The following CD2AP variants were observed in gnomAD, a reference collection of about 807,000 sequenced individuals.
CD2AP encodes CD2 associated protein.
Under a neutral mutation model 85.1 loss-of-function variants are expected in CD2AP, and 46 were observed. The observed-to-expected ratio is 0.54, with a 90% CI of 0.43 to 0.69. The LOEUF (loss-of-function observed/expected upper bound fraction) is 0.69. Ranked by LOEUF, CD2AP falls within the 30% of genes least tolerant of loss-of-function variation. The probability of loss-of-function intolerance (pLI) is 0.00; values close to 1 mark genes in which losing one functional copy is unlikely to be tolerated. For synonymous variants in CD2AP, 255 were observed against 252.9 expected, an observed-to-expected ratio of 1.01 and a Z score of -0.08; for missense variants, 769 against 729.5, an observed-to-expected ratio of 1.05 and a Z score of -0.62.
At position 47,606,213 on chromosome 6, in the gene CD2AP, T is replaced by C; in HGVS notation, c.1466T>C (p.Leu489Pro). The C allele has an allele frequency of 6.2e-7, 1 of 1,612,020 alleles. No homozygotes were observed. ...GCTTCCTCAGAAAACTTGCTTCATCTCACTGCAAATAGACCAAAGATGCCT... is the reference window on the plus strand; with the variant it reads ...GCTTCCTCAGAAAACTTGCTTCATCCCACTGCAAATAGACCAAAGATGCCT... ...DIASSENLLH[L>P]TANRPKMPGR... Residue 489 changes from leucine to proline, a missense_variant, in exon 14 of 18, where the codon CTC becomes CCC. Leu to Pro is a moderately conservative substitution (Grantham distance 98, BLOSUM62 -3). Transcript: ENST00000359314.
At chr6:47,512,724 G>C (rs971753633) in intron 2 of CD2AP, among the ~76,000 whole-genome samples, 2 of 152,188 alleles carry the variant, frequency 1.3e-5, no homozygotes, top group South Asian at 4.1e-4. Context: ...TTAATAAAGA[G>C]AACATTACAG....
At chr6:47,619,271 T>C (rs975112475) in intron 17 of CD2AP, among the ~76,000 whole-genome samples, 1 of 152,124 alleles carries the variant, frequency 6.6e-6, no homozygotes, top group Non-Finnish European at 1.5e-5. Flanking sequence ...ATCATTCTTA[T>C]GCCTTTGCTT....
At chr6:47,563,040 C>G (rs2074472793) in intron 5 of CD2AP, 2 of 309,694 alleles carry the variant, frequency 6.5e-6, no homozygotes, top group Non-Finnish European at 1.2e-5. Flanking sequence ...AACTTTGTAT[C>G]ACATTTAAAA....
intron 12 of CD2AP, among the ~76,000 whole-genome samples, chr6:47,598,925 A>T (rs556611816): frequency 3.3e-5 from 5 of 150,570 alleles, no homozygotes; most frequent in South Asian, 2.1e-4. Context: ...CTAAAATAAT[A>T]AAAAAAATTT....
At chr6:47,548,033 G>A (rs1767412165) in intron 4 of CD2AP, among the ~76,000 whole-genome samples, 1 of 152,088 alleles carries the variant, frequency 6.6e-6, no homozygotes, top group Middle Eastern at 3.2e-3. Context: ...AGTGCTAAGA[G>A]GAAAGTTAAT....
chr6:47,587,277 T>C (rs544341567), intron 11 of CD2AP, among the ~76,000 whole-genome samples: 1 of 152,276 alleles, frequency 6.6e-6, no homozygotes, highest in South Asian at 2.1e-4. Context: ...ATGGAAGGTA[T>C]CCTTCGAAAA....
intron 1 of CD2AP, among the ~76,000 whole-genome samples, chr6:47,480,963 A>G (rs985251242): frequency 1.3e-5 from 2 of 152,234 alleles, no homozygotes; most frequent in African/African-American, 4.8e-5. Flanking sequence ...GATGACTACT[A>G]GTAGACTTAT....
rs530990930 is a variant in CD2AP at position 47,609,102 on chromosome 6, A to T, written c.1633-21A>T. ...AATATAATATTAAATAAAATCAGAA[A>T]TTTTTTTTTTACGTTTTCAGCCATC... is the stretch of plus-strand genomic sequence containing the variant. On this transcript the variant is annotated intron_variant, in intron 15 of 17. Transcript: ENST00000359314. 93 of 1,467,848 alleles carry T rather than the reference A, an allele frequency of 6.3e-5. 1 individual carries two copies. The East Asian group carries it at 1.1e-3, about 18-fold the overall frequency. 90.9% of individuals were successfully genotyped at this position (1,467,848 alleles called of 1,614,324 possible).
At chr6:47,583,964 T>C (rs887763341) in intron 11 of CD2AP, among the ~76,000 whole-genome samples, 2 of 152,212 alleles carry the variant, frequency 1.3e-5, no homozygotes, top group Non-Finnish European at 2.9e-5. Flanking sequence ...CTAATAGGTG[T>C]GTAGTGGTAT....
chr6:47,512,904 C>T (rs1274136649), intron 2 of CD2AP, among the ~76,000 whole-genome samples: 9 of 152,174 alleles, frequency 5.9e-5, no homozygotes, highest in African/African-American at 2.2e-4. Context: ...TCACATTGCA[C>T]CTTTTCTTTA....
chr6:47,495,088 G>T (rs998393756), intron 1 of CD2AP, among the ~76,000 whole-genome samples: 1 of 152,118 alleles, frequency 6.6e-6, no homozygotes, highest in Non-Finnish European at 1.5e-5. Flanking sequence ...ACTTGAACCT[G>T]GGAGGTGGAG....
chr6:47,558,412 G>A (rs1371011753), intron 5 of CD2AP, among the ~76,000 whole-genome samples: 1 of 152,094 alleles, frequency 6.6e-6, no homozygotes, highest in Non-Finnish European at 1.5e-5. Context: ...GTTTTCACAG[G>A]GAATGCTTCC....
At chr6:47,576,925 A>C (rs1187337254) in intron 7 of CD2AP, 84 bp from the exon 8 acceptor site, 4 of 818,782 alleles carry the variant, frequency 4.9e-6, no homozygotes, top group Non-Finnish European at 6.5e-6. Flanking sequence ...CTTTTAGTAT[A>C]CTTTACACAA....
At chr6:47,544,856 G>C in intron 4 of CD2AP, 150 bp downstream of exon 4, 1 of 601,262 alleles carries the variant, frequency 1.7e-6, no homozygotes, top group Admixed American at 2.9e-5. Context: ...CATCCTTGCT[G>C]TATTTATATA....
intron 1 of CD2AP, among the ~76,000 whole-genome samples, chr6:47,491,119 C>T (rs1428903774): frequency 6.6e-6 from 1 of 151,956 alleles, no homozygotes; most frequent in Non-Finnish European, 1.5e-5. Context: ...CAATGCTAAT[C>T]AGTTTTGCGT....
chr6:47,483,362 A>T (rs943319604), intron 1 of CD2AP, among the ~76,000 whole-genome samples: 2 of 152,002 alleles, frequency 1.3e-5, no homozygotes, highest in African/African-American at 4.8e-5. Context: ...GGCCTTTGGG[A>T]GTGGTATGGT....
At chr6:47,508,364 T>G (rs1266597393) in intron 2 of CD2AP, among the ~76,000 whole-genome samples, 1 of 152,172 alleles carries the variant, frequency 6.6e-6, no homozygotes, top group Non-Finnish European at 1.5e-5. Flanking sequence ...CTTCTTTCCT[T>G]GAACCTCATG....
At chr6:47,489,976 T>TG (rs1450190867) in intron 1 of CD2AP, among the ~76,000 whole-genome samples, 18 of 74,372 alleles carry the variant, frequency 2.4e-4, no homozygotes, top group Admixed American at 6.1e-4. Context: ...ACTTTTTTTT[T>TG]TTTTTTTTTT....
At chr6:47,567,614 T>G (rs1387543478) in intron 5 of CD2AP, among the ~76,000 whole-genome samples, 1 of 152,156 alleles carries the variant, frequency 6.6e-6, no homozygotes, top group Non-Finnish European at 1.5e-5. Flanking sequence ...CTTGGCAAGC[T>G]GTGAAGGAAT....
Sources: gnomAD v4.1 joint callset for allele counts (sites outside exome capture counted in the v4.1 genomes callset) on GRCh38, gnomAD v4.1.1 for gene constraint, MANE v1.5 for transcripts, NCBI Gene and HGNC (gene_info 2026-07-23, HGNC 2026-07-21) for gene names.